RP2: variants seen among roughly 807,000 people sequenced by gnomAD.
The protein encoded by RP2 is protein XRP2.
In RP2, 3 loss-of-function variants were observed where a neutral mutation model predicts 20.3. The ratio of observed to expected loss-of-function variants is 0.15; its 90% CI spans 0.07 to 0.38. RP2 has a LOEUF of 0.38. Among genes scored for constraint, RP2 ranks in the 10% least tolerant of loss-of-function variants. The pLI is 1.00. For missense variants in RP2, 233 were observed against 268.5 expected, an observed-to-expected ratio of 0.87 and a Z score of 0.92; for synonymous variants, 75 against 94.8, an observed-to-expected ratio of 0.79 and a Z score of 1.22.
intron 3 of RP2, among the ~76,000 whole-genome samples, chrX:46,861,090 C>T (rs1422387771): frequency 8.9e-6 from 1 of 111,777 alleles, no homozygotes; most frequent in Non-Finnish European, 1.9e-5. Context: ...TTGATGCAAC[C>T]ATTTTGACAT....
intron 2 of RP2, among the ~76,000 whole-genome samples, chrX:46,855,673 G>A (rs992627087): frequency 9.1e-6 from 1 of 110,249 alleles, no homozygotes; most frequent in African/African-American, 3.3e-5. Context: ...TGCCATGTTG[G>A]TTAGGCTGGT....
intron 3 of RP2, among the ~76,000 whole-genome samples, chrX:46,875,900 T>C (rs1925367669): frequency 8.9e-6 from 1 of 112,258 alleles, no homozygotes. Context: ...TCTTTTAAGC[T>C]TTTTCAGTGG....
intron 1 of RP2, among the ~76,000 whole-genome samples, chrX:46,844,316 T>C (rs1924675837): frequency 9.3e-6 from 1 of 106,996 alleles, no homozygotes; most frequent in Non-Finnish European, 1.9e-5. Context: ...CTCCTAATGC[T>C]ATCCCTCCCC....
chrX:46,857,138 A>AT (rs199538520), intron 2 of RP2, among the ~76,000 whole-genome samples: 3,348 of 105,772 alleles, frequency 0.032, 100 homozygotes, highest in African/African-American at 0.092. Flanking sequence ...TTAAATAATG[A>AT]TTTTTTTTTT....
At position 46,879,999 on chromosome X, in the gene RP2, A is replaced by G. The variant is rs1449737893; in HGVS notation, c.*230A>G. On this transcript the variant is annotated 3_prime_UTR_variant, in exon 5 of 5. Coordinates refer to ENST00000218340, the MANE Select transcript of RP2 (RefSeq NM_006915.3). ...AAAAGCTATTTAACCCATTTTAATA[A>G]GCTTGCAGTTTTGTTTCTCTGCATA... 3.9e-6 allele frequency: 1 copy of G among 255,279 alleles called. No homozygotes were observed. The highest frequency in any genetic ancestry group is 6.9e-6 in the Non-Finnish European group (1 of 145,039). 21.0% of individuals were successfully genotyped at this position (255,279 alleles called of 1,213,427 possible). A position where few individuals can be genotyped will look rare whatever the true frequency, so the allele number is the denominator to read the frequency against.
chrX:46,866,951 G>T (rs182241460), intron 3 of RP2, among the ~76,000 whole-genome samples: 221 of 111,573 alleles, frequency 2.0e-3, no homozygotes, highest in African/African-American at 6.7e-3. Flanking sequence ...CAACTGATTT[G>T]TCTCCTGTCC....
intron 1 of RP2, among the ~76,000 whole-genome samples, chrX:46,850,662 T>C (rs1204615105): frequency 5.4e-5 from 6 of 111,557 alleles, no homozygotes; most frequent in African/African-American, 1.6e-4. Flanking sequence ...CCTTTATTCC[T>C]ACCCCTTTTA....
intron 1 of RP2, among the ~76,000 whole-genome samples, chrX:46,847,807 TAC>T (rs782344322): frequency 1.1e-5 from 1 of 92,222 alleles, no homozygotes; most frequent in African/African-American, 4.2e-5. Flanking sequence ...TGTATATATA[TAC>T]ACACATATAT....
chrX:46,879,986 A>G lies in RP2; in HGVS notation c.*217A>G, dbSNP rs1198628430. On this transcript the variant is annotated 3_prime_UTR_variant, in exon 5 of 5. Transcript: ENST00000218340. ...TTTTAATCAGCTTAAAAGCTATTTA[A>G]CCCATTTTAATAAGCTTGCAGTTTT... 2.6e-5 allele frequency: 7 copies of G among 273,413 alleles called. No homozygotes were observed. The highest frequency in any genetic ancestry group is 3.8e-5 in the Non-Finnish European group (6 of 155,982). The allele number at this position is 273,413 out of a possible 1,213,427, so 22.5% of individuals were successfully genotyped here. A position where few individuals can be genotyped will look rare whatever the true frequency, so the allele number is the denominator to read the frequency against.
rs537521590 is a variant in RP2, at chrX:46,870,273, A to AT, written c.884-7222dup. Among the ~76,000 whole-genome samples, 206 of 106,581 alleles carry AT rather than the reference A, an allele frequency of 1.9e-3. 2 individuals are homozygous for AT. The South Asian group carries it at 0.063, about 32-fold the overall frequency. The allele number at this position is 106,581 out of a possible 115,157, so 92.6% of individuals were successfully genotyped here. A position where few individuals can be genotyped will look rare whatever the true frequency, so the allele number is the denominator to read the frequency against. On this transcript the variant is annotated intron_variant, in intron 3 of 4. Transcript: ENST00000218340. ...CAGGTTCACTCCACCATGCCCAGCT[A>AT]TTTTTTTTTTAACATAAAAGAGACA...
chrX:46,875,295 C>CTTT (rs782675753), intron 3 of RP2, among the ~76,000 whole-genome samples: 1 of 88,502 alleles, frequency 1.1e-5, no homozygotes, highest in Admixed American at 1.2e-4. Flanking sequence ...TATTTTCTTT[C>CTTT]TTTTTTTTTT....
chrX:46,862,528 C>T lies in RP2; in HGVS notation c.883+2426C>T, dbSNP rs964556698. Reference sequence around the variant, plus strand: ...ACAAAAAATTAGCCGGGCGTGGTGGCGGGCGCCTGTAGTCCCAGCTACTCA... The same window carrying T: ...ACAAAAAATTAGCCGGGCGTGGTGGTGGGCGCCTGTAGTCCCAGCTACTCA... On this transcript the variant is annotated intron_variant, in intron 3 of 4. Coordinates refer to ENST00000218340, the MANE Select transcript of RP2 (RefSeq NM_006915.3). Among the ~76,000 whole-genome samples the T allele has an allele frequency of 8.2e-5, 9 of 109,901 alleles. No homozygotes were observed. The East Asian group carries it at 1.4e-3, about 18-fold the overall frequency.
At chrX:46,867,022 G>C (rs953630483) in intron 3 of RP2, among the ~76,000 whole-genome samples, 2 of 111,927 alleles carry the variant, frequency 1.8e-5, no homozygotes, top group Admixed American at 9.5e-5. Context: ...GTAGCCTTTT[G>C]GGTCTGGCTT....
chrX:46,859,259 G>A (rs1925022548), intron 2 of RP2, among the ~76,000 whole-genome samples: 3 of 110,755 alleles, frequency 2.7e-5, no homozygotes, highest in African/African-American at 9.8e-5. Context: ...GAGGCAGGAG[G>A]ATGGCTTGAG....
At chrX:46,862,488 G>A (rs782047540) in intron 3 of RP2, among the ~76,000 whole-genome samples, 4 of 110,275 alleles carry the variant, frequency 3.6e-5, no homozygotes, top group East Asian at 2.9e-4. Context: ...GTGAAACCCC[G>A]TCTCTACTAA....
At chrX:46,858,735 A>G (rs186607419) in intron 2 of RP2, among the ~76,000 whole-genome samples, 1 of 111,212 alleles carries the variant, frequency 9.0e-6, no homozygotes, top group Admixed American at 9.7e-5. Flanking sequence ...GGCCTCTCAG[A>G]GTGCTTGGGA....
chrX:46,874,218 T>G (rs1602354241), intron 3 of RP2, among the ~76,000 whole-genome samples: 1 of 112,003 alleles, frequency 8.9e-6, no homozygotes, highest in Middle Eastern at 4.7e-3. Flanking sequence ...TCAAGTTATA[T>G]ACCTGAGTAA....
chrX:46,870,739 A>G (rs782469959), intron 3 of RP2, among the ~76,000 whole-genome samples: 1 of 112,108 alleles, frequency 8.9e-6, no homozygotes, highest in Non-Finnish European at 1.9e-5. Context: ...GCCACTGTGC[A>G]TGTCCACAAA....
At chrX:46,849,898 TA>T (rs782301927) in intron 1 of RP2, among the ~76,000 whole-genome samples, 4 of 111,585 alleles carry the variant, frequency 3.6e-5, no homozygotes, top group Non-Finnish European at 5.7e-5. Flanking sequence ...AGTGAGGTCA[TA>T]AAGGTAGAGT....
Sources: gnomAD v4.1 joint callset for allele counts (sites outside exome capture counted in the v4.1 genomes callset) on GRCh38, gnomAD v4.1.1 for gene constraint, MANE v1.5 for transcripts, NCBI Gene and HGNC (gene_info 2026-07-23, HGNC 2026-07-21) for gene names.